Variants in PHRF1 observed in about 807,000 individuals in gnomAD.
PHRF1 encodes the protein PHD and ring finger domains 1, also known as PHD and RING finger domain-containing protein 1.
A neutral mutation model predicts 128.9 loss-of-function variants in PHRF1; 53 were observed. That is an observed-to-expected ratio of 0.41 (90% CI 0.33 to 0.52). The LOEUF is 0.52. Ranked by LOEUF, PHRF1 falls within the 20% of genes least tolerant of loss-of-function variation. The probability of loss-of-function intolerance (pLI) is 0.21; values close to 1 mark genes in which losing one functional copy is unlikely to be tolerated. For missense variants in PHRF1, 2,503 were observed against 2,284.5 expected (o/e 1.10, Z -1.95); for synonymous variants, 1,178 against 980.6 (o/e 1.20, Z -3.76).
intron 13 of PHRF1, 125 bp downstream of exon 13, chr11:606,721 C>A: frequency 2.3e-6 from 3 of 1,332,360 alleles, no homozygotes; most frequent in East Asian, 2.5e-5. Context: ...CATTCCTCAG[C>A]CATTTTTCTG....
chr11:597,294 C>T lies in PHRF1; in HGVS notation c.719-101C>T. The stretch of plus-strand genomic sequence containing the variant: ...CCCTGGGTCCTGTGCACAGGTCAGC[C>T]CGAGCCAGGGCTGCTACTTGGCCGG... On this transcript the variant is annotated intron_variant, in intron 7 of 17. Transcript: ENST00000264555. The surrounding 1 kb of genome is among the most constrained non-coding windows in gnomAD (Gnocchi z 6.5). 1 of 1,442,920 alleles carries T rather than the reference C, an allele frequency of 6.9e-7. No homozygotes were observed. Among genetic ancestry groups the T allele is most frequent in the Non-Finnish European group, 9.4e-7 (1 of 1,068,740 alleles). 89.4% of individuals were successfully genotyped at this position (1,442,920 alleles called of 1,614,324 possible). A position where few individuals can be genotyped will look rare whatever the true frequency, so the allele number is the denominator to read the frequency against.
chr11:601,498 A>G, intron 9 of PHRF1, 76 bp from the exon 10 acceptor site: 1 of 1,586,208 alleles, frequency 6.3e-7, no homozygotes, highest in Non-Finnish European at 8.6e-7. Context: ...GGCTCCGTCC[A>G]CTGGGCTGGA....
intron 11 of PHRF1, 86 bp downstream of exon 11, chr11:605,386 G>A: frequency 6.5e-7 from 1 of 1,538,608 alleles, no homozygotes; most frequent in Non-Finnish European, 8.8e-7. Flanking sequence ...GCATGCGGAG[G>A]CGTTAGGTTT....
At chr11:588,560 G>A (rs1043709270) in intron 4 of PHRF1, among the ~76,000 whole-genome samples, 2 of 151,826 alleles carry the variant, frequency 1.3e-5, no homozygotes, top group Non-Finnish European at 2.9e-5. Flanking sequence ...TGTATTTTTA[G>A]TAGAGACAGG....
chr11:595,540 G>A (rs979388263), intron 6 of PHRF1, among the ~76,000 whole-genome samples: 2 of 152,240 alleles, frequency 1.3e-5, no homozygotes, highest in African/African-American at 4.8e-5. Flanking sequence ...GTGGAGCCAT[G>A]GGTGCCTGCA....
chr11:605,319 G>T lies in PHRF1; in HGVS notation c.1334+19G>T, dbSNP rs200188468. 12 of 1,608,052 alleles carry T rather than the reference G, an allele frequency of 7.5e-6. No individual in the cohort carries two copies. In the African/African-American group the frequency reaches 1.6e-4, roughly 21 times the overall value. On this transcript the variant is annotated intron_variant, in intron 11 of 17. Transcript: ENST00000264555. ...TCGACAGGTGAGTGAACTGGTGATG[G>T]TCCTGCCTGGGCACCCGCTCCTCTC... is the stretch of plus-strand genomic sequence containing the variant.
chr11:608,685 C>T lies in PHRF1; in HGVS notation c.3229C>T (p.His1077Tyr). Reference protein sequence around the residue: ...RKKAKDKSREHRRGPWGHSRR... With the variant: ...RKKAKDKSREYRRGPWGHSRR... ...GAAAGCCAAGGACAAGAGCAGGGAG[C>T]ACAGGCGGGGCCCCTGGGGCCACAG... The change falls in exon 14 of 18, where the codon CAC (histidine) becomes TAC (tyrosine). Residue 1077 changes from histidine to tyrosine, a missense_variant. By Grantham distance (83) the His-to-Tyr change is moderately conservative. Transcript: ENST00000264555. 1.2e-6 allele frequency: 2 copies of T among 1,612,236 alleles called. No homozygotes were observed. The highest frequency in any genetic ancestry group is 1.7e-6 in the Non-Finnish European group (2 of 1,179,730).
At chr11:598,285 T>G (rs1303418619) in intron 8 of PHRF1, 88 bp from the exon 9 acceptor site, 12 of 1,470,546 alleles carry the variant, frequency 8.2e-6, no homozygotes, top group Non-Finnish European at 1.1e-5. Flanking sequence ...GCTGCCATTG[T>G]GGGCTGTGTT....
Position 609,353 on chromosome 11 carries a change from G to A in PHRF1, c.3897G>A (p.Pro1299=), listed in dbSNP as rs11539530. ...PPSPESTDSS[P]ERDFPLKPAL... is the part of the protein sequence containing the mutation. ...CTCCCGAAAGCACAGACTCTTCCCC[G>A]GAGCGAGACTTCCCACTGAAGCCTG... Residue 1299 remains proline, a synonymous_variant, in exon 14 of 18, where the codon CCG becomes CCA. Coordinates refer to ENST00000264555, the MANE Select transcript of PHRF1 (RefSeq NM_001286581.2). The A allele has an allele frequency of 0.22, 351,290 of 1,612,070 alleles. 40,710 individuals carry two copies. The highest frequency in any genetic ancestry group is 0.32 in the African/African-American group (24,195 of 74,988).
chr11:595,232 C>T (rs528478523), intron 6 of PHRF1, among the ~76,000 whole-genome samples: 3 of 152,120 alleles, frequency 2.0e-5, no homozygotes, highest in South Asian at 2.1e-4. Flanking sequence ...CTGAGGCACG[C>T]GAATACCTTG....
chr11:605,192 C>T lies in PHRF1; in HGVS notation c.1226C>T (p.Pro409Leu), dbSNP rs771405959. 5.6e-6 allele frequency: 9 copies of T among 1,613,444 alleles called. No homozygotes were observed. The highest frequency in any genetic ancestry group is 7.6e-6 in the Non-Finnish European group (9 of 1,179,878). Reference sequence around the variant, plus strand: ...AGGCCTGTTCACAGCAGCTGCATCCCGTCAGTGTTGAAGCCAGTGGAGCCC... The same window carrying T: ...AGGCCTGTTCACAGCAGCTGCATCCTGTCAGTGTTGAAGCCAGTGGAGCCC... Reference protein sequence around the residue: ...LRRPVHSSCIPSVLKPVEPSL... With the variant: ...LRRPVHSSCILSVLKPVEPSL... The change falls in exon 11 of 18, where the codon CCG becomes CTG. Residue 409 changes from proline (P) to leucine (L), a missense_variant. Transcript: ENST00000264555.
At chr11:589,811 A>G (rs116024930) in intron 4 of PHRF1, among the ~76,000 whole-genome samples, 3,094 of 129,224 alleles carry the variant, frequency 0.024, 196 homozygotes, top group African/African-American at 0.086. Flanking sequence ...AAACGGGCAC[A>G]GAGCGTGCGG....
chr11:580,208 C>A (rs181690520), intron 1 of PHRF1, among the ~76,000 whole-genome samples: 1 of 152,320 alleles, frequency 6.6e-6, no homozygotes, highest in East Asian at 1.9e-4. Flanking sequence ...CGAGAGTCGC[C>A]TGGGAAACAA....
intron 9 of PHRF1, among the ~76,000 whole-genome samples, chr11:598,896 T>G (rs527879323): frequency 5.9e-5 from 9 of 152,374 alleles, no homozygotes; most frequent in Non-Finnish European, 8.8e-5. Context: ...TCGCATCTTG[T>G]CTTGCTTCTG....
chr11:587,334 G>A lies in PHRF1; in HGVS notation c.290G>A (p.Gly97Asp). Residue 97 changes from glycine to aspartate, a missense_variant, in exon 4 of 18, where the codon GGC becomes GAC. Physicochemically the swap from Gly to Asp is moderately conservative, Grantham distance 94. Coordinates refer to ENST00000264555, the MANE Select transcript of PHRF1 (RefSeq NM_001286581.2). ...ACTCAGGGGAAACTGGAAGCCGCTG[G>A]CTCTTTCAATTCTGATGATGATGCA... Reference protein sequence around the residue: ...AGTQGKLEAAGSFNSDDDAES... With the variant: ...AGTQGKLEAADSFNSDDDAES... 6.2e-7 allele frequency: 1 copy of A among 1,613,800 alleles called. No homozygotes were observed. Among genetic ancestry groups the A allele is most frequent in the Non-Finnish European group, 8.5e-7 (1 of 1,179,904 alleles).
rs200253242 is a variant in PHRF1, at chr11:608,521, G to A, written c.3065G>A (p.Arg1022His). The A allele has an allele frequency of 3.7e-6, 6 of 1,611,426 alleles. No homozygotes were observed. Among genetic ancestry groups the A allele is most frequent in the Middle Eastern group, 1.7e-4 (1 of 5,954 alleles). The change falls in exon 14 of 18, where the codon CGC becomes CAC. Residue 1022 changes from arginine to histidine, a missense_variant. Coordinates refer to ENST00000264555, the MANE Select transcript of PHRF1 (RefSeq NM_001286581.2). Reference sequence around the variant, plus strand: ...CACGGACGGACGCGCTCTGGGACGCGCTCTGAATCCAGGGACAGGAGCTCG... The same window carrying A: ...CACGGACGGACGCGCTCTGGGACGCACTCTGAATCCAGGGACAGGAGCTCG... ...REHGRTRSGT[R>H]SESRDRSSRS...
Position 610,719 on chromosome 11 carries a change from C to T in PHRF1, c.4635C>T (p.Thr1545=), listed in dbSNP as rs748124460. 1.3e-5 allele frequency: 21 copies of T among 1,602,468 alleles called. No homozygotes were observed. In the African/African-American group the frequency reaches 1.9e-4, roughly 14 times the overall value. Residue 1545 remains threonine (T), a synonymous_variant, in exon 16 of 18, where the codon ACC becomes ACT. Transcript: ENST00000264555. ...ATAASNSEEK[T]PAPRLAAEKT... ...CAGCCAGCAACTCGGAGGAGAAGACCCCGGCCCCCAGGCTAGCTGCGGAGA... is the reference window on the plus strand; with the variant it reads ...CAGCCAGCAACTCGGAGGAGAAGACTCCGGCCCCCAGGCTAGCTGCGGAGA...
chr11:590,928 C>T (rs1425991440), intron 4 of PHRF1, among the ~76,000 whole-genome samples: 1 of 152,154 alleles, frequency 6.6e-6, no homozygotes, highest in Non-Finnish European at 1.5e-5. Flanking sequence ...GTCTCGAACT[C>T]CCGACCTCAG....
In PHRF1 at chr11:609,103, T is replaced by A; in HGVS notation, c.3647T>A (p.Leu1216His). The change falls in exon 14 of 18, where the codon CTC becomes CAC. Residue 1216 changes from leucine to histidine, a missense_variant. Physicochemically the swap from Leu to His is moderately conservative, Grantham distance 99 (BLOSUM62 -3). Coordinates refer to ENST00000264555, the MANE Select transcript of PHRF1 (RefSeq NM_001286581.2). ...LAQGEPGRED[L>H]PTRLPALGEA... ...CAGGGGGAGCCAGGGCGGGAAGACC[T>A]CCCCACCAGGTTGCCAGCCTTGGGG... 1 of 1,605,096 alleles carries A rather than the reference T, an allele frequency of 6.2e-7. No individual in the cohort carries two copies. Among genetic ancestry groups the A allele is most frequent in the Non-Finnish European group, 8.5e-7 (1 of 1,176,892 alleles).
Sources: allele counts gnomAD v4.1 joint callset (sites outside exome capture counted in the v4.1 genomes callset), GRCh38; gene constraint gnomAD v4.1.1; non-coding constraint Gnocchi (gnomAD v3.1); transcripts MANE v1.5; gene names NCBI Gene and HGNC (gene_info 2026-07-23, HGNC 2026-07-21).